GNB5: variants seen among roughly 807,000 people sequenced by gnomAD.
The protein encoded by GNB5 is guanine nucleotide-binding protein subunit beta-5.
GNB5 carries 37 observed loss-of-function variants against 55.3 expected under a neutral mutation model. The observed-to-expected ratio is 0.67, with a 90% CI of 0.51 to 0.88. The LOEUF (loss-of-function observed/expected upper bound fraction) is 0.88. Ranked by LOEUF, GNB5 falls within the 40% of genes least tolerant of loss-of-function variation. The pLI, the probability that GNB5 is intolerant of heterozygous loss-of-function variation, is 0.00. For missense variants in GNB5, 476 were observed against 515.3 expected, an observed-to-expected ratio of 0.92 and a Z score of 0.74; for synonymous variants, 219 against 198.5, an observed-to-expected ratio of 1.10 and a Z score of -0.87.
Position 52,137,449 on chromosome 15 carries a change from G to A in GNB5, c.628-1693C>T, listed in dbSNP as rs142044974. On this transcript the variant is annotated intron_variant, in intron 7 of 12. Transcript: ENST00000261837. ...TAAATGAAAGGTGAGCCCGTTCACA[G>A]GTGGGGACTCAGTCTGAAGCCAAGA... is the stretch of plus-strand genomic sequence containing the variant. 6.2e-4 allele frequency: 637 copies of A among 1,020,402 alleles called. 5 individuals are homozygous for A. In the Admixed American group the frequency reaches 0.016, roughly 26 times the overall value. The allele number at this position is 1,020,402 out of a possible 1,614,324, so 63.2% of individuals were successfully genotyped here.
intron 3 of GNB5, among the ~76,000 whole-genome samples, chr15:52,172,664 C>T (rs1469626511): frequency 6.6e-6 from 1 of 151,964 alleles, no homozygotes; most frequent in Non-Finnish European, 1.5e-5. Context: ...ACCTGTAGTC[C>T]CAGCTACTTG....
intron 12 of GNB5, among the ~76,000 whole-genome samples, 155 bp from the exon 13 acceptor site, chr15:52,122,923 C>T (rs902690291): frequency 6.6e-6 from 1 of 152,154 alleles, no homozygotes; most frequent in African/African-American, 2.4e-5. Flanking sequence ...CACACTCCAT[C>T]CAAAATAGGG....
chr15:52,131,601 A>G (rs2033576182), intron 9 of GNB5, among the ~76,000 whole-genome samples: 1 of 152,160 alleles, frequency 6.6e-6, no homozygotes, highest in Non-Finnish European at 1.5e-5. Flanking sequence ...TTCAATTACT[A>G]TCTGTAGTAA....
intron 4 of GNB5, 30 bp from the exon 5 acceptor site, chr15:52,149,955 G>A: frequency 6.4e-7 from 1 of 1,562,710 alleles, no homozygotes; most frequent in South Asian, 1.1e-5. Context: ...CAGTTTAGGG[G>A]TTGTCAAGTT....
At chr15:52,148,101 G>A (rs1048719760) in intron 5 of GNB5, among the ~76,000 whole-genome samples, 1 of 150,128 alleles carries the variant, frequency 6.7e-6, no homozygotes, top group Admixed American at 6.6e-5. Flanking sequence ...CCTCCTTAAT[G>A]TCATACTCCC....
intron 3 of GNB5, among the ~76,000 whole-genome samples, chr15:52,173,701 G>A (rs1014655379): frequency 2.0e-5 from 3 of 152,184 alleles, no homozygotes; most frequent in Non-Finnish European, 4.4e-5. Flanking sequence ...AGCTGTCCTG[G>A]GAGCTTGAAT....
chr15:52,134,814 T>C (rs377279386), intron 8 of GNB5, among the ~76,000 whole-genome samples: 29 of 152,180 alleles, frequency 1.9e-4, no homozygotes, highest in African/African-American at 6.7e-4. Flanking sequence ...ACAGGACCCA[T>C]GGTAAGGTCA....
intron 7 of GNB5, chr15:52,135,994 A>T: frequency 3.0e-6 from 1 of 328,274 alleles, no homozygotes; most frequent in Non-Finnish European, 5.4e-6. Context: ...AGTTGTGTTT[A>T]TATGGTTGTG....
chr15:52,137,758 C>G (rs2033758556), intron 7 of GNB5: 1 of 1,199,112 alleles, frequency 8.3e-7, no homozygotes, highest in Admixed American at 3.4e-5. Context: ...ATAGGCCCAG[C>G]TGGCGGCATC....
At chr15:52,129,280 A>G (rs1410738061) in intron 9 of GNB5, among the ~76,000 whole-genome samples, 1 of 151,984 alleles carries the variant, frequency 6.6e-6, no homozygotes, top group Non-Finnish European at 1.5e-5. Flanking sequence ...CGTACCAGTG[A>G]CCTACCCTAT....
In GNB5 at chr15:52,117,017, G is replaced by C. The variant is rs2033154631; in HGVS notation, c.*5740C>G. The C allele has an allele frequency of 6.8e-6, 1 of 147,296 alleles. No homozygotes were observed. The highest frequency in any genetic ancestry group is 2.0e-4 in the East Asian group (1 of 5,018). 9.1% of individuals were successfully genotyped at this position (147,296 alleles called of 1,614,324 possible). Reference sequence around the variant, plus strand: ...CGGCTCACTGCAAGCTCTACCTCCTGGGTTCATGCCATTCTCCTGCCCCAG... The same window carrying C: ...CGGCTCACTGCAAGCTCTACCTCCTCGGTTCATGCCATTCTCCTGCCCCAG... On this transcript the variant is annotated 3_prime_UTR_variant, in exon 13 of 13. Coordinates refer to ENST00000261837, the MANE Select transcript of GNB5 (RefSeq NM_016194.4).
intron 1 of GNB5, among the ~76,000 whole-genome samples, chr15:52,186,811 G>C (rs1450847326): frequency 2.6e-5 from 4 of 152,186 alleles, no homozygotes; most frequent in Non-Finnish European, 5.9e-5. Context: ...CCTGGGGCTG[G>C]AGAGATAATG....
chr15:52,128,483 C>T, intron 9 of GNB5: 1 of 617,054 alleles, frequency 1.6e-6, no homozygotes. Flanking sequence ...ATATCAGGCA[C>T]AGAACACAGA....
intron 9 of GNB5, 174 bp from the exon 10 acceptor site, chr15:52,128,418 C>A: frequency 1.6e-6 from 1 of 622,946 alleles, no homozygotes; most frequent in South Asian, 1.9e-5. Context: ...TAGTTTTCTT[C>A]CCTGTTAGTG....
At chr15:52,147,563 A>T (rs943109622) in intron 5 of GNB5, 28 bp from the exon 6 acceptor site, 2 of 1,251,800 alleles carry the variant, frequency 1.6e-6, no homozygotes, top group Non-Finnish European at 2.3e-6. Context: ...GTGAACAACT[A>T]GCACTTCCAC....
rs1456529806 is a variant in GNB5 at position 52,115,282 on chromosome 15, T to A, written c.*7475A>T. 6.6e-6 allele frequency: 1 copy of A among 152,174 alleles called. No individual in the cohort carries two copies. The highest frequency in any genetic ancestry group is 1.5e-5 in the Non-Finnish European group (1 of 68,016). The allele number at this position is 152,174 out of a possible 1,614,324, so 9.4% of individuals were successfully genotyped here. A position where few individuals can be genotyped will look rare whatever the true frequency, so the allele number is the denominator to read the frequency against. ...TGAAAAGAACTAAACAACAAATGAA[T>A]AAATTAACCTCAACATAGAATTTCC... On this transcript the variant is annotated 3_prime_UTR_variant, in exon 13 of 13. Coordinates refer to ENST00000261837, the MANE Select transcript of GNB5 (RefSeq NM_016194.4).
chr15:52,124,384 A>G, intron 12 of GNB5, 89 bp downstream of exon 12: 1 of 1,079,898 alleles, frequency 9.3e-7, no homozygotes, highest in Non-Finnish European at 1.4e-6. Context: ...ACCTGAGCTT[A>G]CTCTGATAGC....
chr15:52,147,461 A>G lies in GNB5; in HGVS notation c.492T>C (p.Cys164=), dbSNP rs750819330. The G allele has an allele frequency of 8.9e-6, 14 of 1,579,592 alleles. No individual in the cohort carries two copies. Among genetic ancestry groups the G allele is most frequent in the Admixed American group, 1.7e-5 (1 of 59,940 alleles). ...AAGCTGCTGTAGCTCCAACTTACCC[A>G]CAAGCAATGGCACATCCCGATGGGG... is the stretch of plus-strand genomic sequence containing the variant. The part of the protein sequence containing the change: ...AYAPSGCAIA[C]GGLDNKCSVY... The change falls in exon 6 of 13, where the codon TGT becomes TGC. Residue 164 remains cysteine, a splice_region_variant and synonymous_variant. Transcript: ENST00000261837.
rs1431967062 is a variant in GNB5 at position 52,135,893 on chromosome 15, A to ACACACC, written c.628-138_628-137insGGTGTG. ...CACACACACACACACACACACACAC[A>ACACACC]CCCTACCTGCTGTATCTGGGTTCAT... On this transcript the variant is annotated intron_variant, in intron 7 of 12. Transcript: ENST00000261837. 1,375 of 671,752 alleles carry ACACACC rather than the reference A, an allele frequency of 2.0e-3. 4 individuals carry two copies. The highest frequency in any genetic ancestry group is 6.7e-3 in the East Asian group (221 of 33,148). The allele number at this position is 671,752 out of a possible 1,614,324, so 41.6% of individuals were successfully genotyped here.
Sources: gnomAD v4.1 joint callset for allele counts (sites outside exome capture counted in the v4.1 genomes callset) on GRCh38, gnomAD v4.1.1 for gene constraint, MANE v1.5 for transcripts, NCBI Gene and HGNC (gene_info 2026-07-23, HGNC 2026-07-21) for gene names.